PCDHGA12: variants seen among roughly 807,000 people sequenced by gnomAD.
PCDHGA12 encodes the protein protocadherin gamma-A12.
A neutral mutation model predicts 61.1 loss-of-function variants in PCDHGA12; 43 were observed. The ratio of observed to expected loss-of-function variants is 0.70; its 90% CI spans 0.55 to 0.91. The LOEUF (loss-of-function observed/expected upper bound fraction) is 0.91, where lower values mean the gene tolerates loss of function less well. PCDHGA12 is among the 40% of genes least tolerant of loss of function. The pLI, the probability that PCDHGA12 is intolerant of heterozygous loss-of-function variation, is 0.00. For missense variants in PCDHGA12, 1,236 were observed against 1,227.7 expected, an observed-to-expected ratio of 1.01 and a Z score of -0.10; for synonymous variants, 520 against 542.9, an observed-to-expected ratio of 0.96 and a Z score of 0.59.
In PCDHGA12 at chr5:141,476,928, T is replaced by C. The variant is rs1279715094; in HGVS notation, c.2425-17879T>C. 6.2e-7 allele frequency: 1 copy of C among 1,614,142 alleles called. No individual in the cohort carries two copies. The highest frequency in any genetic ancestry group is 2.2e-5 in the East Asian group (1 of 44,868). On this transcript the variant is annotated intron_variant, in intron 1 of 3. Transcript: ENST00000252085. This position sits in a 1 kb window ranked among gnomAD's most constrained non-coding sequence, Gnocchi z 7.6. ...GTGGTACAAGTCCTTGCAACGGATC[T>C]GGATGAAGGCCCCAACGGTGAAATT...
chr5:141,478,783 T>G (rs1435790850), intron 1 of PCDHGA12: 2 of 1,483,968 alleles, frequency 1.3e-6, no homozygotes, highest in Admixed American at 4.6e-5. Flanking sequence ...TGGACCTAAT[T>G]CACATCCTCA....
At position 141,487,886 on chromosome 5, in the gene PCDHGA12, G is replaced by A. The variant is rs1208779156; in HGVS notation, c.2425-6921G>A. On this transcript the variant is annotated intron_variant, in intron 1 of 3. Transcript: ENST00000252085. This position sits in a 1 kb window ranked among gnomAD's most constrained non-coding sequence, Gnocchi z 5.0. ...GATCAAGAGCCAGGCTGTTGTGGAA[G>A]CATGATGATGGAATGTGGGAGCACA... is the stretch of plus-strand genomic sequence containing the variant. 1.3e-6 allele frequency: 1 copy of A among 751,316 alleles called. No individual in the cohort carries two copies. The highest frequency in any genetic ancestry group is 2.1e-6 in the Non-Finnish European group (1 of 467,526). The allele number at this position is 751,316 out of a possible 1,614,324, so 46.5% of individuals were successfully genotyped here.
At position 141,447,890 on chromosome 5, in the gene PCDHGA12, A is replaced by AC. The variant is rs1252174829; in HGVS notation, c.2424+14707_2424+14708insC. On this transcript the variant is annotated intron_variant, in intron 1 of 3. Transcript: ENST00000252085. ...CATCTGAGGTCAGGAGTTCGAGACCAGCCTGGCCAACATGGTGAAACTCTG... is the reference window on the plus strand; with the variant it reads ...CATCTGAGGTCAGGAGTTCGAGACCACGCCTGGCCAACATGGTGAAACTCTG... 1.3e-5 allele frequency among the ~76,000 whole-genome samples: 2 copies of AC among 152,146 alleles called. 1 individual carries two copies. The highest frequency in any genetic ancestry group is 4.8e-5 in the African/African-American group (2 of 41,434).
In PCDHGA12 at chr5:141,485,308, A is replaced by G; in HGVS notation, c.2425-9499A>G. On this transcript the variant is annotated intron_variant, in intron 1 of 3. Coordinates refer to ENST00000252085, the MANE Select transcript of PCDHGA12 (RefSeq NM_003735.3). The surrounding 1 kb of genome is among the most constrained non-coding windows in gnomAD (Gnocchi z 5.7). ...AGGAGTCACAGGAAGGGACTTTTGTAGGGAATGTCGCTCAAGATTTCCTGC... is the reference window on the plus strand; with the variant it reads ...AGGAGTCACAGGAAGGGACTTTTGTGGGGAATGTCGCTCAAGATTTCCTGC... 6.2e-7 allele frequency: 1 copy of G among 1,614,112 alleles called. No individual in the cohort carries two copies. The highest frequency in any genetic ancestry group is 8.5e-7 in the Non-Finnish European group (1 of 1,179,996).
chr5:141,508,269 C>T (rs1459186158), intron 3 of PCDHGA12: 1 of 152,186 alleles, frequency 6.6e-6, no homozygotes, highest in East Asian at 1.9e-4. Flanking sequence ...GAGAAAATCC[C>T]GGTCCTTGAC....
intron 1 of PCDHGA12, among the ~76,000 whole-genome samples, chr5:141,455,289 A>C (rs1592356100): frequency 6.6e-6 from 1 of 152,074 alleles, no homozygotes; most frequent in South Asian, 2.1e-4. Flanking sequence ...ATCACTTTAC[A>C]TAGTTTCATC....
At chr5:141,460,981 G>GTATA (rs1491204135) in intron 1 of PCDHGA12, among the ~76,000 whole-genome samples, 10 of 121,884 alleles carry the variant, frequency 8.2e-5, no homozygotes, top group African/African-American at 3.1e-4. Context: ...GTGTGTGTGT[G>GTATA]TGTATATATA....
At chr5:141,466,864 C>G (rs925681539) in intron 1 of PCDHGA12, among the ~76,000 whole-genome samples, 24 of 151,910 alleles carry the variant, frequency 1.6e-4, no homozygotes, top group African/African-American at 5.3e-4. Flanking sequence ...TTTTGAAATC[C>G]ACACATTTTT....
chr5:141,489,040 C>G lies in PCDHGA12; in HGVS notation c.2425-5767C>G. On this transcript the variant is annotated intron_variant, in intron 1 of 3. Coordinates refer to ENST00000252085, the MANE Select transcript of PCDHGA12 (RefSeq NM_003735.3). This position sits in a 1 kb window ranked among gnomAD's most constrained non-coding sequence, Gnocchi z 4.5. ...CCTCTCCTCCTCCAGCTCCCCAGCT[C>G]CACTCAAATTCAGCTCCCCTCCCCC... 1 of 479,752 alleles carries G rather than the reference C, an allele frequency of 2.1e-6. No homozygotes were observed. The highest frequency in any genetic ancestry group is 3.6e-6 in the Non-Finnish European group (1 of 274,204). 29.7% of individuals were successfully genotyped at this position (479,752 alleles called of 1,614,324 possible). A position where few individuals can be genotyped will look rare whatever the true frequency, so the allele number is the denominator to read the frequency against.
rs187488785 is a variant in PCDHGA12 at position 141,461,744 on chromosome 5, C to T, written c.2424+28561C>T. 5.9e-5 allele frequency among the ~76,000 whole-genome samples: 9 copies of T among 152,302 alleles called. No individual in the cohort carries two copies. The East Asian group carries it at 1.7e-3, about 29-fold the overall frequency. On this transcript the variant is annotated intron_variant, in intron 1 of 3. Transcript: ENST00000252085. ...GGAGTGCAGTGGCACAATCCCGGCT[C>T]CCAGATTCAAGCGATTCTCCTGCCT...
intron 2 of PCDHGA12, among the ~76,000 whole-genome samples, chr5:141,500,189 TTTATTTATTTA>T (rs1562193895): frequency 9.9e-5 from 11 of 110,956 alleles, no homozygotes; most frequent in Middle Eastern, 4.3e-3. Flanking sequence ...TTTATTTTTA[TTTATTTATTTA>T]TTTATTTATT....
chr5:141,433,878 T>C (rs774226497), intron 1 of PCDHGA12, among the ~76,000 whole-genome samples: 15 of 151,848 alleles, frequency 9.9e-5, no homozygotes, highest in Non-Finnish European at 1.5e-4. Flanking sequence ...GTTTCATCCA[T>C]TGATGACACT....
At position 141,477,965 on chromosome 5, in the gene PCDHGA12, A is replaced by G. The variant is rs1415974296; in HGVS notation, c.2425-16842A>G. On this transcript the variant is annotated intron_variant, in intron 1 of 3. Coordinates refer to ENST00000252085, the MANE Select transcript of PCDHGA12 (RefSeq NM_003735.3). This position sits in a 1 kb window ranked among gnomAD's most constrained non-coding sequence, Gnocchi z 4.9. ...CAGTCTCTTGGGATCCCCTAACCAGAGCCTTTTTGCCATAGGGCTGCACAC... is the reference window on the plus strand; with the variant it reads ...CAGTCTCTTGGGATCCCCTAACCAGGGCCTTTTTGCCATAGGGCTGCACAC... 4 of 1,614,030 alleles carry G rather than the reference A, an allele frequency of 2.5e-6. No individual in the cohort carries two copies. In the Middle Eastern group the frequency reaches 4.9e-4, roughly 200 times the overall value.
intron 1 of PCDHGA12, among the ~76,000 whole-genome samples, chr5:141,467,809 C>T (rs1026263094): frequency 6.6e-6 from 1 of 152,056 alleles, no homozygotes. Flanking sequence ...CAGGCACATG[C>T]CACCACACCA....
At chr5:141,461,133 T>C (rs2099009646) in intron 1 of PCDHGA12, among the ~76,000 whole-genome samples, 1 of 152,086 alleles carries the variant, frequency 6.6e-6, no homozygotes, top group South Asian at 2.1e-4. Flanking sequence ...TAATTACTTA[T>C]TTTCCTTTGG....
chr5:141,470,297 T>A (rs2099227289), intron 1 of PCDHGA12, among the ~76,000 whole-genome samples: 2 of 152,348 alleles, frequency 1.3e-5, no homozygotes, highest in Admixed American at 1.3e-4. Flanking sequence ...TAACTGTTTT[T>A]ATTCCATTTT....
rs1424221139 is a variant in PCDHGA12, at chr5:141,491,867, T to G, written c.2425-2940T>G. On this transcript the variant is annotated intron_variant, in intron 1 of 3. Coordinates refer to ENST00000252085, the MANE Select transcript of PCDHGA12 (RefSeq NM_003735.3). The surrounding 1 kb of genome is among the most constrained non-coding windows in gnomAD (Gnocchi z 6.9). ...TTGGACCGTTTGCGCGAAACCAGAG[T>G]GGCCGATTAAGGGATGGGGCTCCGA... 2 of 1,452,218 alleles carry G rather than the reference T, an allele frequency of 1.4e-6. No homozygotes were observed. The highest frequency in any genetic ancestry group is 1.8e-6 in the Non-Finnish European group (2 of 1,099,056). 90.0% of individuals were successfully genotyped at this position (1,452,218 alleles called of 1,614,324 possible).
chr5:141,435,454 T>C (rs1407615505), intron 1 of PCDHGA12, among the ~76,000 whole-genome samples: 1 of 152,220 alleles, frequency 6.6e-6, no homozygotes, highest in Non-Finnish European at 1.5e-5. Flanking sequence ...ACGATATCTG[T>C]ATGTGTTTCC....
rs369791160 is a variant in PCDHGA12 at position 141,431,269 on chromosome 5, C to G, written c.510C>G (p.Tyr170Ter). Residue 170 changes from tyrosine to a stop codon, truncating the protein, a stop_gained, in exon 1 of 4, where the codon TAC (tyrosine) becomes TAG (stop). Transcript: ENST00000252085. LOFTEE classifies it high-confidence loss of function. This position sits in a 1 kb window ranked among gnomAD's most constrained non-coding sequence, Gnocchi z 4.8. ...PDIGKNSLQS[Y>*]ELSPNTHFSL... ...TCGGGAAGAACTCTCTGCAGAGCTA[C>G]GAGCTCAGCCCGAACACTCACTTCT... 1.4e-5 allele frequency: 22 copies of G among 1,614,034 alleles called. No individual in the cohort carries two copies. The highest frequency in any genetic ancestry group is 2.7e-5 in the African/African-American group (2 of 74,954).
Sources: allele counts gnomAD v4.1 joint callset (sites outside exome capture counted in the v4.1 genomes callset), GRCh38; gene constraint gnomAD v4.1.1; non-coding constraint Gnocchi (gnomAD v3.1); transcripts MANE v1.5; gene names NCBI Gene and HGNC (gene_info 2026-07-23, HGNC 2026-07-21).